Variants in SRPX2 observed in about 807,000 individuals in gnomAD.
The protein encoded by SRPX2 is sushi repeat containing protein X-linked 2.
SRPX2 carries 26 observed loss-of-function variants against 45.3 expected under a neutral mutation model. That is an observed-to-expected ratio of 0.57 (90% CI 0.42 to 0.80). The LOEUF is 0.80. Among genes scored for constraint, SRPX2 ranks in the 30% least tolerant of loss-of-function variants. SRPX2 has a pLI of 0.00. For missense variants in SRPX2, 355 were observed against 399.8 expected, an observed-to-expected ratio of 0.89 and a Z score of 0.95; for synonymous variants, 125 against 143.7, an observed-to-expected ratio of 0.87 and a Z score of 0.93.
intron 2 of SRPX2, among the ~76,000 whole-genome samples, chrX:100,647,355 G>A (rs1231962509): frequency 8.9e-6 from 1 of 112,720 alleles, no homozygotes; most frequent in Admixed American, 9.3e-5. Flanking sequence ...GCTCCTGGTG[G>A]AGGCCTTTGG....
rs1333236480 is a variant in SRPX2 at position 100,662,101 on chromosome X, C to A, written c.164-75C>A. On this transcript the variant is annotated intron_variant, in intron 3 of 10. Transcript: ENST00000373004. ...TGGGCTCTCTATTTTTTTCCATTGA[C>A]CTATTTGTCTTTTCACCAACACCAC... 22 of 1,056,829 alleles carry A rather than the reference C, an allele frequency of 2.1e-5. No individual in the cohort carries two copies. The Admixed American group carries it at 4.7e-4, about 22-fold the overall frequency. 87.1% of individuals were successfully genotyped at this position (1,056,829 alleles called of 1,213,427 possible).
chrX:100,665,625 G>C lies in SRPX2; in HGVS notation c.749G>C (p.Arg250Pro), dbSNP rs777003588. ...ACTGCCTATGACCGAGCCTACAACC[G>C]GGCCAGCTGCAAGTTCATTGTGAAA... is the stretch of plus-strand genomic sequence containing the variant. ...RYTAYDRAYNRASCKFIVKVQ... is the reference protein window; with the variant it reads ...RYTAYDRAYNPASCKFIVKVQ... The change falls in exon 7 of 11, where the codon CGG becomes CCG. Residue 250 changes from arginine (R) to proline (P), a missense_variant. Coordinates refer to ENST00000373004, the MANE Select transcript of SRPX2 (RefSeq NM_014467.3). 1.7e-6 allele frequency: 2 copies of C among 1,211,759 alleles called. No homozygotes were observed. Among genetic ancestry groups the C allele is most frequent in the East Asian group, 5.9e-5 (2 of 33,845 alleles).
intron 4 of SRPX2, among the ~76,000 whole-genome samples, chrX:100,664,218 T>A (rs953529029): frequency 1.9e-5 from 2 of 102,625 alleles, no homozygotes; most frequent in Non-Finnish European, 4.1e-5. Context: ...AGGTCTGATT[T>A]TTTTTTTTTT....
Position 100,672,853 on chromosome X carries a change from G to A in SRPX2, c.*1866G>A, listed in dbSNP as rs1461069879. 1 of 111,959 alleles carries A rather than the reference G, an allele frequency of 8.9e-6. No homozygotes were observed. Among genetic ancestry groups the A allele is most frequent in the East Asian group, 2.8e-4 (1 of 3,570 alleles). 9.2% of individuals were successfully genotyped at this position (111,959 alleles called of 1,213,427 possible). On this transcript the variant is annotated 3_prime_UTR_variant, in exon 11 of 11. Coordinates refer to ENST00000373004, the MANE Select transcript of SRPX2 (RefSeq NM_014467.3). ...AATCATGAGCCCAGAACAAATTGGG[G>A]GAGCAGTGAGTCAGAGAGAATCTCC...
At chrX:100,663,776 G>T (rs2083195128) in intron 4 of SRPX2, among the ~76,000 whole-genome samples, 2 of 112,243 alleles carry the variant, frequency 1.8e-5, no homozygotes, top group African/African-American at 6.5e-5. Context: ...CATGGTGACA[G>T]GCTCCACCTC....
chrX:100,661,173 T>A (rs36224184), intron 3 of SRPX2, among the ~76,000 whole-genome samples: 4,289 of 112,359 alleles, frequency 0.038, 113 homozygotes, highest in Non-Finnish European at 0.064. Flanking sequence ...CAGTTTTTTT[T>A]AAGGATACCC....
At chrX:100,669,835 C>T (rs142603367) in intron 10 of SRPX2, among the ~76,000 whole-genome samples, 1,082 of 93,471 alleles carry the variant, frequency 0.012, 19 homozygotes, top group African/African-American at 0.042. Flanking sequence ...TGCAATGGCA[C>T]GATTTCAGCT....
intron 10 of SRPX2, among the ~76,000 whole-genome samples, chrX:100,669,914 A>G (rs1286753556): frequency 9.1e-6 from 1 of 109,672 alleles, no homozygotes; most frequent in African/African-American, 3.3e-5. Context: ...CTGGGATTAC[A>G]GGTGTGCACC....
At chrX:100,662,664 A>G (rs2083192161) in intron 4 of SRPX2, among the ~76,000 whole-genome samples, 1 of 111,682 alleles carries the variant, frequency 9.0e-6, no homozygotes, top group African/African-American at 3.3e-5. Context: ...GTGGACCTAG[A>G]TCTTCTTCTG....
Position 100,665,544 on chromosome X carries a change from T to C in SRPX2, c.668T>C (p.Leu223Pro). The part of the protein sequence containing the change: ...SADGTITRVT[L>P]RGPEPGSHFP... Reference sequence around the variant, plus strand: ...CACCCTGTCCCATGCAGGGTGACACTTCGGGGCCCTGAGCCTGGCTCTCAC... The same window carrying C: ...CACCCTGTCCCATGCAGGGTGACACCTCGGGGCCCTGAGCCTGGCTCTCAC... The change falls in exon 7 of 11, where the codon CTT (leucine) becomes CCT (proline). Residue 223 changes from leucine to proline, a missense_variant. By Grantham distance (98) the Leu-to-Pro change is moderately conservative (BLOSUM62 -3). Transcript: ENST00000373004. 8.2e-7 allele frequency: 1 copy of C among 1,212,151 alleles called. No individual in the cohort carries two copies. Among genetic ancestry groups the C allele is most frequent in the Non-Finnish European group, 1.1e-6 (1 of 895,605 alleles).
chrX:100,648,421 T>TAAAGGAACTGAGGAATGC (rs1336675283), intron 2 of SRPX2, among the ~76,000 whole-genome samples: 1 of 111,894 alleles, frequency 8.9e-6, no homozygotes, highest in African/African-American at 3.3e-5. Context: ...CTGATTGATC[T>TAAAGGAACTGAGGAATGC]AAAGGAACTG....
At chrX:100,651,191 T>C (rs2083151960) in intron 3 of SRPX2, 1 of 260,015 alleles carries the variant, frequency 3.8e-6, no homozygotes, top group Non-Finnish European at 6.8e-6. Flanking sequence ...CTGTTGGGGG[T>C]GATGGGGGGG....
chrX:100,655,251 G>T (rs2083164957), intron 3 of SRPX2, among the ~76,000 whole-genome samples: 1 of 111,721 alleles, frequency 9.0e-6, no homozygotes, highest in African/African-American at 3.3e-5. Context: ...TAAATACACT[G>T]TTAAGTTTAC....
At chrX:100,669,190 G>C (rs2083214368) in intron 9 of SRPX2, 58 bp from the exon 10 acceptor site, 1 of 1,205,584 alleles carries the variant, frequency 8.3e-7, no homozygotes, top group Non-Finnish European at 1.1e-6. Context: ...AATCAGCCAA[G>C]TAGCCTTAGG....
intron 3 of SRPX2, 151 bp from the exon 4 acceptor site, chrX:100,662,025 T>C (rs892496038): frequency 1.9e-6 from 1 of 538,459 alleles, no homozygotes; most frequent in Non-Finnish European, 3.1e-6. Context: ...ACTTAATTGT[T>C]TTTGCACTTT....
At chrX:100,656,051 C>T (rs5920839) in intron 3 of SRPX2, among the ~76,000 whole-genome samples, 1 of 106,823 alleles carries the variant, frequency 9.4e-6, no homozygotes, top group Non-Finnish European at 1.9e-5. Context: ...TTAGTAGACC[C>T]GGTTTTACCA....
intron 2 of SRPX2, among the ~76,000 whole-genome samples, chrX:100,647,296 T>TC (rs930373293): frequency 8.9e-6 from 1 of 112,334 alleles, no homozygotes; most frequent in Non-Finnish European, 1.9e-5. Flanking sequence ...AACAAACTGC[T>TC]CCCATCACAG....
chrX:100,646,419 C>A lies in SRPX2; in HGVS notation c.82+15C>A. The A allele has an allele frequency of 8.4e-7, 1 of 1,197,172 alleles. No homozygotes were observed. The highest frequency in any genetic ancestry group is 1.1e-6 in the Non-Finnish European group (1 of 883,496). On this transcript the variant is annotated intron_variant, in intron 2 of 10. Transcript: ENST00000373004. ...ATGGTATGCAGGTAAGTTCTAGGAG[C>A]TGTTGCCTATTATTTCCAGGAAGGA... is the stretch of plus-strand genomic sequence containing the variant.
chrX:100,654,498 G>T (rs1371079697), intron 3 of SRPX2, among the ~76,000 whole-genome samples: 1 of 111,948 alleles, frequency 8.9e-6, no homozygotes, highest in African/African-American at 3.3e-5. Flanking sequence ...ACCACAGCAT[G>T]TTGCTGCTTT....
Sources: gnomAD v4.1 joint callset for allele counts (sites outside exome capture counted in the v4.1 genomes callset) on GRCh38, gnomAD v4.1.1 for gene constraint, MANE v1.5 for transcripts, NCBI Gene and HGNC (gene_info 2026-07-23, HGNC 2026-07-21) for gene names.